Variants in IL15 observed in about 807,000 individuals in gnomAD.
IL15 encodes interleukin-15.
Under a neutral mutation model 19.6 loss-of-function variants are expected in IL15, and 11 were observed. The observed-to-expected ratio is 0.56, with a 90% confidence interval of 0.35 to 0.93. The LOEUF is 0.93. Ranked by LOEUF, IL15 falls within the 40% of genes least tolerant of loss-of-function variation. The pLI, the probability that IL15 is intolerant of heterozygous loss-of-function variation, is 0.01. For missense variants in IL15, 197 were observed against 186.5 expected (o/e 1.06, Z -0.33); for synonymous variants, 58 against 59.6 (o/e 0.97, Z 0.12).
chr4:141,729,738 G>A (rs1431702745), intron 6 of IL15, 109 bp from the exon 7 acceptor site: 1 of 647,650 alleles, frequency 1.5e-6, no homozygotes, highest in South Asian at 2.1e-5. Flanking sequence ...TAAGGATATT[G>A]TGTATCTTTA....
At chr4:141,732,630 T>G (rs1193779094) in intron 7 of IL15, 108 bp from the exon 8 acceptor site, 3 of 1,413,880 alleles carry the variant, frequency 2.1e-6, no homozygotes, top group Non-Finnish European at 2.8e-6. Flanking sequence ...AGCTTTCATA[T>G]CTCAAGACCT....
intron 5 of IL15, among the ~76,000 whole-genome samples, chr4:141,724,445 A>G (rs1288270524): frequency 6.6e-6 from 1 of 152,042 alleles, no homozygotes; most frequent in East Asian, 1.9e-4. Flanking sequence ...CAATACAAGC[A>G]GAACAAAGAA....
At chr4:141,690,769 A>G (rs1728883447) in intron 2 of IL15, among the ~76,000 whole-genome samples, 1 of 152,152 alleles carries the variant, frequency 6.6e-6, no homozygotes, top group African/African-American at 2.4e-5. Flanking sequence ...TCTCCATGAC[A>G]TACTCCTATT....
chr4:141,685,032 G>A (rs978115974), intron 2 of IL15, among the ~76,000 whole-genome samples: 2 of 151,546 alleles, frequency 1.3e-5, no homozygotes, highest in Non-Finnish European at 2.9e-5. Flanking sequence ...AGGCTGATTT[G>A]TATTTCCTCT....
chr4:141,726,552 C>CA (rs1730272461), intron 5 of IL15, among the ~76,000 whole-genome samples: 1 of 152,102 alleles, frequency 6.6e-6, no homozygotes, highest in Non-Finnish European at 1.5e-5. Context: ...TCCTATGAAA[C>CA]AAAACATGCA....
In IL15 at chr4:141,654,238, G is replaced by A. The variant is rs1391212478; in HGVS notation, c.-221-1948G>A. 8.5e-5 allele frequency among the ~76,000 whole-genome samples: 13 copies of A among 152,338 alleles called. No individual in the cohort carries two copies. In the East Asian group the frequency reaches 2.5e-3, roughly 29 times the overall value. ...CAGGGAGCCCTCTAGAGGCAGGATG[G>A]CCCTTTGGGGATGTTACAGCTCTGG... On this transcript the variant is annotated intron_variant, in intron 1 of 7. Transcript: ENST00000320650.
At chr4:141,650,687 T>C (rs1727374923) in intron 1 of IL15, among the ~76,000 whole-genome samples, 1 of 152,108 alleles carries the variant, frequency 6.6e-6, no homozygotes, top group Non-Finnish European at 1.5e-5. Context: ...CCCTTTGGTG[T>C]TGAATCTGGT....
chr4:141,721,400 T>C (rs771194629), intron 4 of IL15: 1 of 627,584 alleles, frequency 1.6e-6, no homozygotes, highest in Admixed American at 2.3e-5. Context: ...AAGTCTGTAC[T>C]GTTTATGGAG....
At chr4:141,709,436 A>T (rs570303738) in intron 2 of IL15, among the ~76,000 whole-genome samples, 1 of 152,320 alleles carries the variant, frequency 6.6e-6, no homozygotes, top group East Asian at 1.9e-4. Context: ...GCCAGCTCTA[A>T]TTGGCTCATT....
At chr4:141,651,758 A>T (rs1727414708) in intron 1 of IL15, among the ~76,000 whole-genome samples, 1 of 152,092 alleles carries the variant, frequency 6.6e-6, no homozygotes, top group Admixed American at 6.6e-5. Context: ...TATTTATCAA[A>T]AATTAATTTT....
At chr4:141,698,067 A>G (rs1429983181) in intron 2 of IL15, among the ~76,000 whole-genome samples, 1 of 152,046 alleles carries the variant, frequency 6.6e-6, no homozygotes, top group Admixed American at 6.6e-5. Flanking sequence ...ATTATATCAA[A>G]TGCTTTTTCT....
intron 1 of IL15, among the ~76,000 whole-genome samples, chr4:141,651,174 TAC>T (rs1210365665): frequency 1.3e-5 from 2 of 151,538 alleles, no homozygotes; most frequent in Non-Finnish European, 2.9e-5. Context: ...TATATATATA[TAC>T]ACACACACCA....
chr4:141,694,623 T>G (rs1209495096), intron 2 of IL15, among the ~76,000 whole-genome samples: 1 of 152,190 alleles, frequency 6.6e-6, no homozygotes, highest in African/African-American at 2.4e-5. Flanking sequence ...GTCTTTTTCC[T>G]CCTTCCTTTG....
chr4:141,721,805 G>A, intron 4 of IL15, 119 bp from the exon 5 acceptor site: 1 of 852,932 alleles, frequency 1.2e-6, no homozygotes, highest in South Asian at 1.8e-5. Flanking sequence ...ACAGAAGCAA[G>A]GATAACACTG....
chr4:141,701,285 G>GTT (rs927712234), intron 2 of IL15, among the ~76,000 whole-genome samples: 2 of 143,852 alleles, frequency 1.4e-5, no homozygotes, highest in Admixed American at 6.9e-5. Flanking sequence ...TGGGACTGAG[G>GTT]TTTTTTTTTT....
intron 1 of IL15, among the ~76,000 whole-genome samples, chr4:141,655,611 AC>A (rs1341046885): frequency 3.9e-5 from 6 of 152,192 alleles, no homozygotes; most frequent in Admixed American, 2.0e-4. Flanking sequence ...TTATAAAAAA[AC>A]ATAGAAGTTA....
chr4:141,724,854 C>G (rs1178066247), intron 5 of IL15, among the ~76,000 whole-genome samples: 2 of 152,146 alleles, frequency 1.3e-5, no homozygotes, highest in African/African-American at 4.8e-5. Context: ...TACACTGAAT[C>G]ATTCTATCAA....
intron 2 of IL15, among the ~76,000 whole-genome samples, chr4:141,707,419 G>C (rs1424826980): frequency 6.6e-6 from 1 of 151,966 alleles, no homozygotes; most frequent in Non-Finnish European, 1.5e-5. Context: ...TCTTCTACTA[G>C]GATTTATTGT....
intron 2 of IL15, chr4:141,718,039 C>G (rs1265281925): frequency 6.6e-6 from 1 of 152,124 alleles, no homozygotes; most frequent in Non-Finnish European, 1.5e-5. Context: ...TATTGCATTC[C>G]TCCATGTTTG....
Sources: allele counts gnomAD v4.1 joint callset (sites outside exome capture counted in the v4.1 genomes callset), GRCh38; gene constraint gnomAD v4.1.1; transcripts MANE v1.5; gene names NCBI Gene and HGNC (gene_info 2026-07-23, HGNC 2026-07-21).